CBLB: variants seen among roughly 807,000 people sequenced by gnomAD.
CBLB encodes the protein Cbl proto-oncogene B, also known as E3 ubiquitin-protein ligase CBL-B.
In CBLB, 31 loss-of-function variants were observed where a neutral mutation model predicts 104.9. That is an observed-to-expected ratio of 0.30 (90% CI 0.22 to 0.40). CBLB has a LOEUF of 0.40. Ranked by LOEUF, CBLB falls within the 10% of genes least tolerant of loss-of-function variation. CBLB has a pLI of 1.00. For missense variants in CBLB, 1,062 were observed against 1,214.6 expected, an observed-to-expected ratio of 0.87 and a Z score of 1.87; for synonymous variants, 440 against 422.6, an observed-to-expected ratio of 1.04 and a Z score of -0.51.
chr3:105,776,709 T>C (rs896400316), intron 3 of CBLB, among the ~76,000 whole-genome samples, 167 bp from the exon 4 acceptor site: 4 of 152,182 alleles, frequency 2.6e-5, no homozygotes, highest in African/African-American at 9.7e-5. Context: ...AAAAAGTTTA[T>C]GAAAACATTG....
rs532240733 is a variant in CBLB at position 105,791,768 on chromosome 3, G to A, written c.420-15226C>T. ...CATACATGAATACAGTACCACATGG[G>A]GATATCTGTAAATAGCAATGGGTGG... On this transcript the variant is annotated intron_variant, in intron 3 of 18. Coordinates refer to ENST00000394030, the MANE Select transcript of CBLB (RefSeq NM_170662.5). Among the ~76,000 whole-genome samples the A allele has an allele frequency of 9.5e-4, 145 of 152,232 alleles. 1 individual carries two copies. The highest frequency in any genetic ancestry group is 3.4e-3 in the African/African-American group (143 of 41,548).
intron 14 of CBLB, among the ~76,000 whole-genome samples, chr3:105,684,401 T>A (rs2066735371): frequency 6.6e-6 from 1 of 152,220 alleles, no homozygotes; most frequent in East Asian, 1.9e-4. Context: ...CTCATGCCTT[T>A]ACTTAAAGAT....
chr3:105,686,698 A>C (rs2152741493), intron 13 of CBLB, among the ~76,000 whole-genome samples: 1 of 152,248 alleles, frequency 6.6e-6, no homozygotes, highest in East Asian at 1.9e-4. Flanking sequence ...ACATTCAAAG[A>C]TCAAAGAAAA....
chr3:105,804,476 G>A (rs1230253077), intron 3 of CBLB, among the ~76,000 whole-genome samples: 5 of 150,986 alleles, frequency 3.3e-5, no homozygotes, highest in Admixed American at 6.6e-5. Flanking sequence ...AGCCAAGATC[G>A]CTCCACTGCA....
intron 14 of CBLB, 64 bp from the exon 15 acceptor site, chr3:105,681,882 A>C (rs2066363837): frequency 1.1e-6 from 1 of 941,376 alleles, no homozygotes; most frequent in Non-Finnish European, 1.7e-6. Flanking sequence ...GTAACTTGAG[A>C]GGTAGAGGGA....
chr3:105,699,014 C>T (rs2068749145), intron 12 of CBLB, among the ~76,000 whole-genome samples: 1 of 152,100 alleles, frequency 6.6e-6, no homozygotes, highest in Admixed American at 6.6e-5. Flanking sequence ...TCCTGGCCTA[C>T]ACCTGCCCAC....
At chr3:105,774,294 C>A (rs1244309229) in intron 4 of CBLB, among the ~76,000 whole-genome samples, 3 of 152,022 alleles carry the variant, frequency 2.0e-5, no homozygotes, top group Non-Finnish European at 2.9e-5. Context: ...AAAAATTCAA[C>A]CTTTCGAAAG....
intron 13 of CBLB, among the ~76,000 whole-genome samples, chr3:105,686,501 T>C (rs1156820073): frequency 6.6e-6 from 1 of 151,928 alleles, no homozygotes; most frequent in Non-Finnish European, 1.5e-5. Flanking sequence ...CAGCACCTTC[T>C]ATAGAGGGAG....
At chr3:105,688,134 C>A (rs895180343) in intron 13 of CBLB, among the ~76,000 whole-genome samples, 2 of 151,988 alleles carry the variant, frequency 1.3e-5, no homozygotes, top group Admixed American at 1.3e-4. Context: ...ACTAAACTTA[C>A]GGGAAATTTT....
intron 6 of CBLB, among the ~76,000 whole-genome samples, chr3:105,741,103 T>G (rs201996704): frequency 3.9e-5 from 5 of 127,462 alleles, no homozygotes; most frequent in African/African-American, 6.1e-5. Context: ...GGGTTTTTTT[T>G]TTTTTTTTTT....
chr3:105,791,387 C>T (rs2081618739), intron 3 of CBLB, among the ~76,000 whole-genome samples: 1 of 152,194 alleles, frequency 6.6e-6, no homozygotes, highest in South Asian at 2.1e-4. Flanking sequence ...AATTCCCTCA[C>T]TTCCAGAAAT....
chr3:105,713,760 C>T (rs868605874), intron 10 of CBLB, among the ~76,000 whole-genome samples: 3 of 152,086 alleles, frequency 2.0e-5, no homozygotes, highest in African/African-American at 7.2e-5. Flanking sequence ...CCTGTGCCTT[C>T]GGATTGCTTA....
intron 3 of CBLB, among the ~76,000 whole-genome samples, chr3:105,822,823 CA>C (rs1482432058): frequency 2.0e-5 from 3 of 152,162 alleles, no homozygotes; most frequent in African/African-American, 7.2e-5. Flanking sequence ...TCAGGTACAT[CA>C]GCATTTTCTG....
chr3:105,779,182 C>G (rs182687638), intron 3 of CBLB, among the ~76,000 whole-genome samples: 1 of 152,138 alleles, frequency 6.6e-6, no homozygotes, highest in African/African-American at 2.4e-5. Flanking sequence ...CTTGTTAGAT[C>G]TAAAGTCTGA....
intron 9 of CBLB, among the ~76,000 whole-genome samples, chr3:105,724,577 T>C (rs984381052): frequency 1.3e-5 from 2 of 152,116 alleles, no homozygotes; most frequent in Non-Finnish European, 2.9e-5. Context: ...TTGGCATAAT[T>C]AGTATAAAAA....
At chr3:105,765,786 C>T (rs1577006327) in intron 4 of CBLB, among the ~76,000 whole-genome samples, 1 of 152,132 alleles carries the variant, frequency 6.6e-6, no homozygotes, top group African/African-American at 2.4e-5. Flanking sequence ...CCTGATCACC[C>T]AAAAGATTTG....
intron 9 of CBLB, among the ~76,000 whole-genome samples, chr3:105,722,068 T>C (rs1382150731): frequency 6.6e-6 from 1 of 151,770 alleles, no homozygotes; most frequent in Non-Finnish European, 1.5e-5. Flanking sequence ...GGTGTTGTGA[T>C]ACACACCTGA....
chr3:105,695,539 T>A (rs1264901964), intron 12 of CBLB, among the ~76,000 whole-genome samples: 1 of 151,838 alleles, frequency 6.6e-6, no homozygotes, highest in Non-Finnish European at 1.5e-5. Flanking sequence ...ATTAATGAGG[T>A]AACTTACTCT....
chr3:105,674,548 C>T (rs2065398707), intron 17 of CBLB, among the ~76,000 whole-genome samples: 1 of 152,216 alleles, frequency 6.6e-6, no homozygotes, highest in Non-Finnish European at 1.5e-5. Context: ...ATTTTGTGCA[C>T]TGCACAAAGA....
Sources: allele counts gnomAD v4.1 joint callset (sites outside exome capture counted in the v4.1 genomes callset), GRCh38; gene constraint gnomAD v4.1.1; transcripts MANE v1.5; gene names NCBI Gene and HGNC (gene_info 2026-07-23, HGNC 2026-07-21).